TMEM117: variants seen among roughly 807,000 people sequenced by gnomAD.
TMEM117 encodes the protein transmembrane protein 117.
Under a neutral mutation model 52.4 loss-of-function variants are expected in TMEM117, and 27 were observed. The ratio of observed to expected loss-of-function variants is 0.51; its 90% CI spans 0.38 to 0.71. The LOEUF is 0.71. Among genes scored for constraint, TMEM117 ranks in the 30% least tolerant of loss-of-function variants. The probability of loss-of-function intolerance (pLI) is 0.00; values close to 1 mark genes in which losing one functional copy is unlikely to be tolerated. For synonymous variants in TMEM117, 215 were observed against 206.3 expected (o/e 1.04, Z -0.36); for missense variants, 556 against 630.5 (o/e 0.88, Z 1.26).
intron 5 of TMEM117, among the ~76,000 whole-genome samples, chr12:44,261,190 G>A (rs1388823922): frequency 1.3e-5 from 2 of 152,126 alleles, no homozygotes; most frequent in Admixed American, 1.3e-4. Flanking sequence ...CAATCTTATA[G>A]GCACTTCACA....
intron 7 of TMEM117, among the ~76,000 whole-genome samples, chr12:44,379,871 T>TTAGCCC (rs1951995849): frequency 6.6e-6 from 1 of 152,194 alleles, no homozygotes; most frequent in African/African-American, 2.4e-5. Context: ...CTGGGGTTAT[T>TTAGCCC]AAGCATAAAA....
At chr12:44,281,169 A>T (rs2138594522) in intron 5 of TMEM117, among the ~76,000 whole-genome samples, 1 of 152,280 alleles carries the variant, frequency 6.6e-6, no homozygotes, top group South Asian at 2.1e-4. Context: ...CCTAATATTA[A>T]TTTTTTGATC....
At chr12:43,904,652 A>T (rs1944355695) in intron 2 of TMEM117, among the ~76,000 whole-genome samples, 1 of 152,074 alleles carries the variant, frequency 6.6e-6, no homozygotes, top group African/African-American at 2.4e-5. Flanking sequence ...TTGATCATTT[A>T]TCACTCCCGG....
intron 2 of TMEM117, among the ~76,000 whole-genome samples, chr12:43,936,266 G>A (rs1944950797): frequency 6.6e-6 from 1 of 152,128 alleles, no homozygotes; most frequent in Non-Finnish European, 1.5e-5. Flanking sequence ...TGGATGTAAG[G>A]ACATAAAATG....
chr12:44,220,731 G>A (rs1208975800), intron 5 of TMEM117, among the ~76,000 whole-genome samples: 3 of 152,084 alleles, frequency 2.0e-5, no homozygotes, highest in African/African-American at 7.2e-5. Context: ...AGAAAGTAAG[G>A]AAGTGTTCAA....
the TMEM117 span, chr12:43,800,451 A>G: frequency 2.5e-6 from 4 of 1,612,870 alleles, no homozygotes; most frequent in Admixed American, 1.7e-5. Flanking sequence ...TGTTCCAAAT[A>G]CTTCATCTTT....
chr12:44,303,039 G>A (rs540919869), intron 6 of TMEM117, among the ~76,000 whole-genome samples: 7 of 151,854 alleles, frequency 4.6e-5, no homozygotes, highest in African/African-American at 7.3e-5. Flanking sequence ...CTATAGAAAG[G>A]TATTGTATTT....
intron 6 of TMEM117, among the ~76,000 whole-genome samples, chr12:44,367,968 A>G (rs972057010): frequency 6.6e-6 from 1 of 151,970 alleles, no homozygotes; most frequent in African/African-American, 2.4e-5. Flanking sequence ...ATAGATTTTT[A>G]CCCCTCCTAC....
At chr12:43,904,086 C>A (rs1944346428) in intron 2 of TMEM117, among the ~76,000 whole-genome samples, 1 of 152,168 alleles carries the variant, frequency 6.6e-6, no homozygotes, top group South Asian at 2.1e-4. Context: ...TTTGATTTTT[C>A]TAAGATCAGT....
intron 3 of TMEM117, among the ~76,000 whole-genome samples, chr12:43,949,309 G>A (rs1284782753): frequency 5.9e-5 from 9 of 152,172 alleles, no homozygotes; most frequent in Non-Finnish European, 1.3e-4. Context: ...TTTGACTTGG[G>A]TTTTTATACA....
At chr12:44,141,591 A>G (rs1194883133) in intron 3 of TMEM117, among the ~76,000 whole-genome samples, 1 of 152,176 alleles carries the variant, frequency 6.6e-6, no homozygotes, top group Non-Finnish European at 1.5e-5. Context: ...CTCTACCCCA[A>G]GATATTCTAG....
the TMEM117 span, chr12:43,802,388 C>T: frequency 9.3e-5 from 149 of 1,606,394 alleles, no homozygotes; most frequent in Non-Finnish European, 2.1e-5. Flanking sequence ...TGTCCTCCAA[C>T]AGGGGTAAAA....
At chr12:44,254,950 T>C (rs893200512) in intron 5 of TMEM117, among the ~76,000 whole-genome samples, 1 of 152,124 alleles carries the variant, frequency 6.6e-6, no homozygotes, top group African/African-American at 2.4e-5. Flanking sequence ...AGAATGATGG[T>C]TTCCAGTTTC....
chr12:43,881,789 T>A (rs1408754683), intron 2 of TMEM117, among the ~76,000 whole-genome samples: 4 of 4,296 alleles, frequency 9.3e-4, no homozygotes, highest in African/African-American at 1.4e-3. Context: ...AACTCTTGTC[T>A]CAAAAAAAAA....
intron 3 of TMEM117, among the ~76,000 whole-genome samples, chr12:44,021,375 G>A (rs1446691042): frequency 1.3e-5 from 2 of 152,056 alleles, no homozygotes; most frequent in Non-Finnish European, 2.9e-5. Flanking sequence ...CTGGCTTTCT[G>A]TTTCTGCATT....
intron 3 of TMEM117, among the ~76,000 whole-genome samples, chr12:43,977,351 C>T (rs1945688266): frequency 6.6e-6 from 1 of 152,024 alleles, no homozygotes; most frequent in Admixed American, 6.6e-5. Context: ...TTTCTGATAC[C>T]AGGTTGGGTC....
At chr12:44,016,572 T>C (rs1430577736) in intron 3 of TMEM117, among the ~76,000 whole-genome samples, 2 of 152,208 alleles carry the variant, frequency 1.3e-5, no homozygotes, top group African/African-American at 2.4e-5. Context: ...TTTCAATCAA[T>C]GAGTGTTTTA....
chr12:43,949,877 T>G (rs1945192241), intron 3 of TMEM117, among the ~76,000 whole-genome samples: 1 of 152,312 alleles, frequency 6.6e-6, no homozygotes, highest in African/African-American at 2.4e-5. Context: ...GTGATTTTAA[T>G]ATACAGTTTC....
intron 6 of TMEM117, among the ~76,000 whole-genome samples, chr12:44,316,008 C>G (rs901387234): frequency 1.3e-5 from 2 of 152,088 alleles, no homozygotes; most frequent in Non-Finnish European, 2.9e-5. Flanking sequence ...AGGAGACAGA[C>G]TTTTTAATCC....
Sources: allele counts gnomAD v4.1 joint callset (sites outside exome capture counted in the v4.1 genomes callset), GRCh38; gene constraint gnomAD v4.1.1; transcripts MANE v1.5; gene names NCBI Gene and HGNC (gene_info 2026-07-23, HGNC 2026-07-21).